The following OMA1 variants were observed in gnomAD, a reference collection of about 807,000 sequenced individuals.
OMA1 encodes metalloendopeptidase OMA1, mitochondrial.
A neutral mutation model predicts 30.9 loss-of-function variants in OMA1; 38 were observed. The ratio of observed to expected loss-of-function variants is 1.23; its 90% CI spans 0.95 to 1.61. The LOEUF is 1.61. Among genes scored for constraint, OMA1 ranks in the 40% most tolerant of loss-of-function variants. The probability of loss-of-function intolerance (pLI) is 0.00; values close to 1 mark genes in which losing one functional copy is unlikely to be tolerated. For synonymous variants in OMA1, 173 were observed against 121.9 expected (o/e 1.42, Z -2.76); for missense variants, 461 against 349.2 (o/e 1.32, Z -2.55).
chr1:58,493,492 T>C (rs954780841), intron 8 of OMA1, among the ~76,000 whole-genome samples: 80 of 151,738 alleles, frequency 5.3e-4, no homozygotes, highest in African/African-American at 1.6e-3. Flanking sequence ...TGTTTGCAGA[T>C]GACATGATTG....
At chr1:58,514,865 A>G (rs1167510064) in intron 7 of OMA1, among the ~76,000 whole-genome samples, 1 of 152,194 alleles carries the variant, frequency 6.6e-6, no homozygotes, top group Non-Finnish European at 1.5e-5. Flanking sequence ...ACTTTGGGAG[A>G]GGGAAACCTT....
intron 7 of OMA1, among the ~76,000 whole-genome samples, chr1:58,507,963 G>C (rs991187017): frequency 3.3e-5 from 5 of 152,128 alleles, no homozygotes; most frequent in African/African-American, 1.2e-4. Flanking sequence ...TATCTAACAT[G>C]AAGTTTGTCT....
At chr1:58,486,780 A>G (rs1645582369) in intron 8 of OMA1, among the ~76,000 whole-genome samples, 1 of 152,190 alleles carries the variant, frequency 6.6e-6, no homozygotes, top group South Asian at 2.1e-4. Flanking sequence ...TGCCTAAAGA[A>G]CTGAGGGAAG....
intron 8 of OMA1, among the ~76,000 whole-genome samples, chr1:58,505,492 G>C (rs1645973780): frequency 1.3e-5 from 2 of 152,060 alleles, no homozygotes; most frequent in South Asian, 4.1e-4. Context: ...AAACTACTTG[G>C]CAGAAAGCCG....
In OMA1 at chr1:58,536,539, G is replaced by C; in HGVS notation, c.703C>G (p.Leu235Val). 2 of 872,638 alleles carry C rather than the reference G, an allele frequency of 2.3e-6. No homozygotes were observed. Among genetic ancestry groups the C allele is most frequent in the South Asian group, 2.6e-5 (2 of 76,516 alleles). 54.1% of individuals were successfully genotyped at this position (872,638 alleles called of 1,614,324 possible). Residue 235 changes from leucine to valine, a missense_variant, in exon 3 of 9, where the codon CTT (leucine) becomes GTT (valine). Physicochemically the swap from Leu to Val is conservative, Grantham distance 32 (BLOSUM62 1). Transcript: ENST00000371226. ...GCTTCATATTCCAGTTCCGATAAAA[G>C]TCTGAACTGTTCTTTCCCCAATAAT... ...LLLLGKEQFR[L>V]LSELEYEAWM...
At chr1:58,510,423 A>T (rs754016251) in intron 7 of OMA1, among the ~76,000 whole-genome samples, 32 of 152,148 alleles carry the variant, frequency 2.1e-4, no homozygotes, top group Non-Finnish European at 3.1e-4. Context: ...AAAATTAAAC[A>T]TCCTTTCATA....
At chr1:58,516,135 T>C (rs1646154268) in intron 7 of OMA1, among the ~76,000 whole-genome samples, 3 of 152,132 alleles carry the variant, frequency 2.0e-5, no homozygotes, top group African/African-American at 7.2e-5. Flanking sequence ...TATCCCCTTT[T>C]CCCTCACATT....
At chr1:58,526,216 C>A (rs115814668) in intron 7 of OMA1, among the ~76,000 whole-genome samples, 1,677 of 152,122 alleles carry the variant, frequency 0.011, 32 homozygotes, top group African/African-American at 0.038. Context: ...TATGTGGGAA[C>A]TTCTTAGTGC....
intron 7 of OMA1, among the ~76,000 whole-genome samples, chr1:58,508,419 G>T (rs1260920958): frequency 6.6e-6 from 1 of 152,152 alleles, no homozygotes; most frequent in African/African-American, 2.4e-5. Flanking sequence ...AATTCCCTTT[G>T]TGAGAAATCC....
intron 7 of OMA1, among the ~76,000 whole-genome samples, chr1:58,524,584 G>T (rs1024755141): frequency 1.3e-5 from 2 of 152,216 alleles, no homozygotes; most frequent in Non-Finnish European, 2.9e-5. Context: ...TGCTGGTAGA[G>T]TTGCAGCTAT....
At position 58,539,263 on chromosome 1, in the gene OMA1, G is replaced by A; in HGVS notation, c.32C>T (p.Ala11Val). The stretch of plus-strand genomic sequence containing the variant: ...AAATCGGAAGAAAACATGGTTTCTA[G>A]CAGCAGACTGCAATCCACAGATGAA... MSFICGLQSA[A>V]RNHVFFRFNS... Residue 11 changes from alanine (A) to valine (V), a missense_variant, in exon 2 of 9, where the codon GCT becomes GTT. By Grantham distance (64) the Ala-to-Val change is moderately conservative (BLOSUM62 0). Transcript: ENST00000371226. The A allele has an allele frequency of 3.5e-6, 3 of 865,048 alleles. No homozygotes were observed. Among genetic ancestry groups the A allele is most frequent in the African/African-American group, 1.6e-5 (1 of 61,058 alleles). 53.6% of individuals were successfully genotyped at this position (865,048 alleles called of 1,614,324 possible). A position where few individuals can be genotyped will look rare whatever the true frequency, so the allele number is the denominator to read the frequency against.
intron 8 of OMA1, among the ~76,000 whole-genome samples, chr1:58,499,549 G>C (rs1306806759): frequency 7.0e-6 from 1 of 143,680 alleles, no homozygotes; most frequent in Middle Eastern, 3.6e-3. Context: ...TAAACTTTCA[G>C]TCAGGAAAAG....
intron 8 of OMA1, among the ~76,000 whole-genome samples, chr1:58,488,872 T>A (rs570701136): frequency 1.3e-5 from 2 of 152,244 alleles, no homozygotes; most frequent in African/African-American, 4.8e-5. Context: ...AGTGAGAACA[T>A]AACATTTTTA....
At chr1:58,519,539 C>T (rs1421141142) in intron 7 of OMA1, among the ~76,000 whole-genome samples, 2 of 152,190 alleles carry the variant, frequency 1.3e-5, no homozygotes, top group East Asian at 1.9e-4. Flanking sequence ...ATCTGCTATG[C>T]TCTAAGTGAC....
chr1:58,488,626 AT>A (rs200329655), intron 8 of OMA1, among the ~76,000 whole-genome samples: 3,346 of 152,174 alleles, frequency 0.022, 123 homozygotes, highest in African/African-American at 0.076. Context: ...TAATTTTTGT[AT>A]TTTTAGTAGA....
chr1:58,490,792 A>ATTT (rs1557438593), intron 8 of OMA1, among the ~76,000 whole-genome samples: 4 of 97,250 alleles, frequency 4.1e-5, no homozygotes, highest in African/African-American at 1.1e-4. Flanking sequence ...AATAGTCAAC[A>ATTT]TTCTTTTTTT....
chr1:58,514,264 A>C (rs1646126573), intron 7 of OMA1, among the ~76,000 whole-genome samples: 1 of 152,206 alleles, frequency 6.6e-6, no homozygotes, highest in Non-Finnish European at 1.5e-5. Flanking sequence ...TTAAATTATA[A>C]ATTCAGTGGG....
At chr1:58,529,912 ACT>A (rs1480801564) in intron 6 of OMA1, among the ~76,000 whole-genome samples, 1 of 151,744 alleles carries the variant, frequency 6.6e-6, no homozygotes, top group Non-Finnish European at 1.5e-5. Context: ...ATGTAGTCTC[ACT>A]CTGTCGCCCA....
intron 8 of OMA1, among the ~76,000 whole-genome samples, chr1:58,488,129 T>C (rs1275670531): frequency 6.6e-6 from 1 of 152,182 alleles, no homozygotes; most frequent in Non-Finnish European, 1.5e-5. Context: ...ACAGATTTAG[T>C]AAAAACTCAT....
Sources: allele counts gnomAD v4.1 joint callset (sites outside exome capture counted in the v4.1 genomes callset), GRCh38; gene constraint gnomAD v4.1.1; transcripts MANE v1.5; gene names NCBI Gene and HGNC (gene_info 2026-07-23, HGNC 2026-07-21).